The following USF3 variants were observed in gnomAD, a reference collection of about 807,000 sequenced individuals.
USF3 encodes upstream transcription factor family member 3.
Under a neutral mutation model 157.5 loss-of-function variants are expected in USF3, and 29 were observed. That is an observed-to-expected ratio of 0.18 (90% CI 0.14 to 0.25). The LOEUF is 0.25. Among genes scored for constraint, USF3 ranks in the 10% least tolerant of loss-of-function variants. The pLI, the probability that USF3 is intolerant of heterozygous loss-of-function variation, is 1.00. For synonymous variants in USF3, 893 were observed against 941.4 expected, an observed-to-expected ratio of 0.95 and a Z score of 0.94; for missense variants, 2,381 against 2,667.6, an observed-to-expected ratio of 0.89 and a Z score of 2.37.
At chr3:113,684,248 AT>A (rs1559723767) in intron 1 of USF3, among the ~76,000 whole-genome samples, 1 of 150,852 alleles carries the variant, frequency 6.6e-6, no homozygotes, top group Non-Finnish European at 1.5e-5. Context: ...TTTATATCTC[AT>A]TTTTTTTCTT....
At chr3:113,664,549 T>G in intron 5 of USF3, 140 bp from the exon 6 acceptor site, 1 of 532,330 alleles carries the variant, frequency 1.9e-6, no homozygotes, top group South Asian at 2.7e-5. Context: ...ATTCAAAAGC[T>G]TCTACTGTAT....
At position 113,655,137 on chromosome 3, in the gene USF3, T is replaced by C. The variant is rs764162277; in HGVS notation, c.6545A>G (p.Asn2182Ser). 1.5e-5 allele frequency: 24 copies of C among 1,613,950 alleles called. No homozygotes were observed. The highest frequency in any genetic ancestry group is 1.7e-5 in the Non-Finnish European group (20 of 1,179,990). The change falls in exon 7 of 7, where the codon AAC (asparagine) becomes AGC (serine). Residue 2182 changes from asparagine to serine, a missense_variant. By Grantham distance (46) the Asn-to-Ser change is conservative. Transcript: ENST00000316407. ...CATATTAAAATTGGATAAGTGAGAG[T>C]TGGTCATGTGCATTGGTGGCATATC... ...LPDMPPMHMTNSHLSNFNMTS... is the reference protein window; with the variant it reads ...LPDMPPMHMTSSHLSNFNMTS...
In USF3 at chr3:113,659,335, T is replaced by C. The variant is rs763366672; in HGVS notation, c.2347A>G (p.Thr783Ala). ...YNLVSTSSMN[T>A]VACLPNMKSK... Reference sequence around the variant, plus strand: ...TTCATGTTAGGCAAACAAGCAACAGTGTTCATTGAGGAAGTACTCACTAGA... The same window carrying C: ...TTCATGTTAGGCAAACAAGCAACAGCGTTCATTGAGGAAGTACTCACTAGA... The change falls in exon 7 of 7, where the codon ACT (threonine) becomes GCT (alanine). Residue 783 changes from threonine to alanine, a missense_variant. Coordinates refer to ENST00000316407, the MANE Select transcript of USF3 (RefSeq NM_001009899.4). 8 of 1,614,138 alleles carry C rather than the reference T, an allele frequency of 5.0e-6. No homozygotes were observed. In the Admixed American group the frequency reaches 5.0e-5, roughly 10 times the overall value.
At chr3:113,677,941 G>T (rs1363894280) in intron 1 of USF3, among the ~76,000 whole-genome samples, 1 of 151,992 alleles carries the variant, frequency 6.6e-6, no homozygotes, top group African/African-American at 2.4e-5. Flanking sequence ...TCTGGGTAGG[G>T]CCCAGGAATT....
chr3:113,691,318 T>C (rs1707677085), intron 1 of USF3, among the ~76,000 whole-genome samples: 2 of 152,212 alleles, frequency 1.3e-5, no homozygotes, highest in African/African-American at 4.8e-5. Flanking sequence ...CTTGAACAAG[T>C]TGTTTACACT....
At chr3:113,672,286 G>A (rs972414362) in intron 4 of USF3, among the ~76,000 whole-genome samples, 3 of 151,522 alleles carry the variant, frequency 2.0e-5, no homozygotes, top group African/African-American at 4.8e-5. Flanking sequence ...CACCATACCC[G>A]GCTAATTTTT....
intron 1 of USF3, among the ~76,000 whole-genome samples, chr3:113,684,399 T>C (rs1707502648): frequency 6.6e-6 from 1 of 152,214 alleles, no homozygotes; most frequent in African/African-American, 2.4e-5. Flanking sequence ...TATCTTTCTC[T>C]AGGTTTGGAA....
chr3:113,652,799 T>C lies in USF3; in HGVS notation c.*2145A>G, dbSNP rs1947287874. The C allele has an allele frequency of 5.9e-6, 1 of 168,354 alleles. No homozygotes were observed. Among genetic ancestry groups the C allele is most frequent in the African/African-American group, 2.4e-5 (1 of 41,644 alleles). 10.4% of individuals were successfully genotyped at this position (168,354 alleles called of 1,614,324 possible). ...GGTGAAACCCCGTCTCTACTAAAAA[T>C]ATAAAAATTAGCCAGGTGTAGTGGC... On this transcript the variant is annotated 3_prime_UTR_variant, in exon 7 of 7. Coordinates refer to ENST00000316407, the MANE Select transcript of USF3 (RefSeq NM_001009899.4).
Position 113,661,394 on chromosome 3 carries a change from C to A in USF3, c.288G>T (p.Leu96=). The A allele has an allele frequency of 6.4e-7, 1 of 1,567,250 alleles. No homozygotes were observed. The highest frequency in any genetic ancestry group is 8.6e-7 in the Non-Finnish European group (1 of 1,161,312). Residue 96 remains leucine, a synonymous_variant, in exon 7 of 7, where the codon CTG becomes CTT. Coordinates refer to ENST00000316407, the MANE Select transcript of USF3 (RefSeq NM_001009899.4). ...AEEIKKLRKQ[L]EEIQKENGRY... ...GGCCATTTTCTTTTTGGATTTCTTC[C>A]AGTTGTTTCCGTAGCTTTTTTATTT...
chr3:113,657,263 TTGCTGC>T lies in USF3; in HGVS notation c.4413_4418del (p.Gln1477_Gln1478del), dbSNP rs10606566. The stretch of plus-strand genomic sequence containing the variant: ...ACTGCCCTGCTTGTTGTTGTTGCTG[TTGCTGC>T]TGCTGCTGCTGCTGCTGCTGCTGCT... On this transcript the variant is annotated inframe_deletion, in exon 7 of 7. Transcript: ENST00000316407. 0.033 allele frequency: 50,423 copies of T among 1,534,806 alleles called. 1,715 individuals carry two copies. The highest frequency in any genetic ancestry group is 0.14 in the African/African-American group (10,481 of 73,386).
chr3:113,686,235 T>C lies in USF3; in HGVS notation c.-134-8838A>G, dbSNP rs527701521. ...GCTCCCTCTGTGGGCATCAGCTGAA[T>C]TCTGCCCTGTGTTGCTTTCCACTGT... On this transcript the variant is annotated intron_variant, in intron 1 of 6. Coordinates refer to ENST00000316407, the MANE Select transcript of USF3 (RefSeq NM_001009899.4). Among the ~76,000 whole-genome samples, 46 of 152,328 alleles carry C rather than the reference T, an allele frequency of 3.0e-4. No homozygotes were observed. In the South Asian group the frequency reaches 8.9e-3, roughly 30 times the overall value.
Position 113,659,984 on chromosome 3 carries a change from C to T in USF3, c.1698G>A (p.Val566=), listed in dbSNP as rs779628637. ...QPPSTTPCPT[V]MRAEVSNQTV... is the part of the protein sequence containing the mutation. ...TTTGGTTGGAAACTTCTGCCCTCAT[C>T]ACTGTTGGGCATGGGGTGGTGCTAG... is the stretch of plus-strand genomic sequence containing the variant. The change falls in exon 7 of 7, where the codon GTG becomes GTA. Residue 566 remains valine, a synonymous_variant. Transcript: ENST00000316407. 3.7e-6 allele frequency: 6 copies of T among 1,614,160 alleles called. No homozygotes were observed. In the South Asian group the frequency reaches 6.6e-5, roughly 18 times the overall value.
At chr3:113,686,022 T>C (rs1707538076) in intron 1 of USF3, among the ~76,000 whole-genome samples, 1 of 152,178 alleles carries the variant, frequency 6.6e-6, no homozygotes, top group African/African-American at 2.4e-5. Context: ...CTAGGTCGTG[T>C]GCACCCCAAG....
Position 113,674,855 on chromosome 3 carries a change from C to A in USF3, c.24G>T (p.Glu8Asp). 6.2e-7 allele frequency: 1 copy of A among 1,613,610 alleles called. No homozygotes were observed. The highest frequency in any genetic ancestry group is 8.5e-7 in the Non-Finnish European group (1 of 1,179,590). Reference protein sequence around the residue: MPEMTENETPTKKQHRKK... With the variant: MPEMTENDTPTKKQHRKK... ...ACCTGTGCTGCTTTTTTGTAGGCGT[C>A]TCATTCTCTGTCATTTCTGGCATGG... is the stretch of plus-strand genomic sequence containing the variant. The change falls in exon 3 of 7, where the codon GAG becomes GAT. Residue 8 changes from glutamate to aspartate, a missense_variant. Around this residue, in one of 6 missense-constraint regions of USF3, gnomAD observed 105 missense variants for 158.6 expected, o/e 0.66. Transcript: ENST00000316407.
At chr3:113,680,506 A>G (rs1329430946) in intron 1 of USF3, among the ~76,000 whole-genome samples, 4 of 151,734 alleles carry the variant, frequency 2.6e-5, no homozygotes, top group Non-Finnish European at 4.4e-5. Context: ...GATTTTGTTT[A>G]TCTTTTCAAA....
At chr3:113,667,917 T>G (rs183729436) in intron 5 of USF3, among the ~76,000 whole-genome samples, 21 of 151,954 alleles carry the variant, frequency 1.4e-4, no homozygotes, top group African/African-American at 5.1e-4. Flanking sequence ...TATGGAAGTC[T>G]AAGTCCATCC....
At chr3:113,675,311 C>T (rs1293285920) in intron 2 of USF3, among the ~76,000 whole-genome samples, 4 of 152,080 alleles carry the variant, frequency 2.6e-5, no homozygotes, top group Non-Finnish European at 5.9e-5. Flanking sequence ...GTTCCCTACT[C>T]TGAACACAAA....
intron 1 of USF3, among the ~76,000 whole-genome samples, chr3:113,682,480 C>T (rs1707456450): frequency 6.6e-6 from 1 of 152,130 alleles, no homozygotes; most frequent in Non-Finnish European, 1.5e-5. Flanking sequence ...TCTCTTAAGT[C>T]CATTTGGTCA....
At chr3:113,675,366 T>C (rs1253126673) in intron 2 of USF3, among the ~76,000 whole-genome samples, 1 of 152,204 alleles carries the variant, frequency 6.6e-6, no homozygotes, top group African/African-American at 2.4e-5. Context: ...ATTCCATACA[T>C]GAAAGCAAGC....
Sources: gnomAD v4.1 joint callset for allele counts (sites outside exome capture counted in the v4.1 genomes callset) on GRCh38, gnomAD v4.1.1 for gene constraint, gnomAD v4.1.1 regional missense constraint, MANE v1.5 for transcripts, NCBI Gene and HGNC (gene_info 2026-07-23, HGNC 2026-07-21) for gene names.